Variants in OVCH2 observed in about 807,000 individuals in gnomAD.
OVCH2 encodes the protein ovochymase-2.
Under a neutral mutation model 73.7 loss-of-function variants are expected in OVCH2, and 88 were observed. The ratio of observed to expected loss-of-function variants is 1.19; its 90% CI spans 1.01 to 1.43. The LOEUF (loss-of-function observed/expected upper bound fraction) is 1.43, where lower values mean the gene tolerates loss of function less well. OVCH2 is among the 40% of genes most tolerant of loss of function. The pLI, the probability that OVCH2 is intolerant of heterozygous loss-of-function variation, is 0.00. For missense variants in OVCH2, 706 were observed against 674.5 expected (o/e 1.05, Z -0.52); for synonymous variants, 265 against 234.5 (o/e 1.13, Z -1.19).
chr11:7,695,707 T>C lies in OVCH2; in HGVS notation c.1145A>G (p.Lys382Arg). ...TGAAGGGAGGCTTTCTCCACAAAATTTTCCTGCAGGATGAGAAAAAAGGAT... is the reference window on the plus strand; with the variant it reads ...TGAAGGGAGGCTTTCTCCACAAAATCTTCCTGCAGGATGAGAAAAAAGGAT... ...MYSLEDRPIG[K>R]FCGESLPSSI... is the part of the protein sequence containing the mutation. Residue 382 changes from lysine (K) to arginine (R), a missense_variant, in exon 11 of 16, where the codon AAA becomes AGA. Coordinates refer to ENST00000533663, the MANE Select transcript of OVCH2 (RefSeq NM_198185.7). The C allele has an allele frequency of 6.3e-7, 1 of 1,588,940 alleles. No homozygotes were observed. Among genetic ancestry groups the C allele is most frequent in the East Asian group, 2.2e-5 (1 of 44,814 alleles).
In OVCH2 at chr11:7,695,752, A is replaced by C. The variant is rs1338415249; in HGVS notation, c.1142-42T>G. The C allele has an allele frequency of 1.9e-6, 3 of 1,567,744 alleles. No individual in the cohort carries two copies. In the Admixed American group the frequency reaches 5.7e-5, roughly 30 times the overall value. The stretch of plus-strand genomic sequence containing the variant: ...AAGGATTCTTTGTTCAGAATCTAGA[A>C]AATAGTTCCCATTCAATGATTTAAG... On this transcript the variant is annotated intron_variant, in intron 10 of 15. Transcript: ENST00000533663.
Position 7,702,101 on chromosome 11 carries a change from A to G in OVCH2, c.463+56T>C, listed in dbSNP as rs1856452186. On this transcript the variant is annotated intron_variant, in intron 4 of 15. Transcript: ENST00000533663. ...TATACTGCAGGAAATGTGCTATGGC[A>G]CAGAGGTTATAGAGAACATGGGGTA... The G allele has an allele frequency of 2.1e-6, 3 of 1,453,424 alleles. No homozygotes were observed. In the Admixed American group the frequency reaches 5.8e-5, roughly 28 times the overall value. 90.0% of individuals were successfully genotyped at this position (1,453,424 alleles called of 1,614,324 possible).
Position 7,704,553 on chromosome 11 carries a change from C to G in OVCH2, c.198+12G>C, listed in dbSNP as rs199535243. The stretch of plus-strand genomic sequence containing the variant: ...GCACAGTTCTTGATGCATAGAAGTC[C>G]TTGAGACTCACCTGCCAGGGATAGG... On this transcript the variant is annotated intron_variant, in intron 2 of 15. Transcript: ENST00000533663. 9 of 1,569,268 alleles carry G rather than the reference C, an allele frequency of 5.7e-6. No homozygotes were observed. The highest frequency in any genetic ancestry group is 7.0e-6 in the Non-Finnish European group (8 of 1,142,126).
rs1050941631 is a variant in OVCH2, at chr11:7,694,338, T to C, written c.1413+720A>G. On this transcript the variant is annotated intron_variant, in intron 12 of 15. Coordinates refer to ENST00000533663, the MANE Select transcript of OVCH2 (RefSeq NM_198185.7). ...TGGAATAAACTCCATTTCCAGGCGT[T>C]CAAAGGCCTCCATACAGTGACTTCC... is the stretch of plus-strand genomic sequence containing the variant. Among the ~76,000 whole-genome samples, 4 of 152,092 alleles carry C rather than the reference T, an allele frequency of 2.6e-5. No homozygotes were observed. In the South Asian group the frequency reaches 8.3e-4, roughly 32 times the overall value.
intron 12 of OVCH2, among the ~76,000 whole-genome samples, chr11:7,692,663 A>G (rs1290029215): frequency 2.0e-5 from 3 of 152,234 alleles, no homozygotes; most frequent in African/African-American, 7.2e-5. Context: ...ATGTGCATGA[A>G]AAAGGAAATC....
chr11:7,702,097 T>A, intron 4 of OVCH2, 60 bp downstream of exon 4: 1 of 1,429,564 alleles, frequency 7.0e-7, no homozygotes, highest in Non-Finnish European at 9.7e-7. Context: ...AAATGTGCTA[T>A]GGCACAGAGG....
Position 7,700,433 on chromosome 11 carries a change from A to G in OVCH2, c.764T>C (p.Leu255Pro). The G allele has an allele frequency of 6.2e-7, 1 of 1,612,066 alleles. No individual in the cohort carries two copies. The highest frequency in any genetic ancestry group is 8.5e-7 in the Non-Finnish European group (1 of 1,179,076). Residue 255 changes from leucine (L) to proline (P), a missense_variant, in exon 7 of 16, where the codon CTG (leucine) becomes CCG (proline). Physicochemically the swap from Leu to Pro is moderately conservative, Grantham distance 98. Transcript: ENST00000533663. ...MCRNKKGAWT[L>P]AGVTSWGLGC... ...CAAACCCCAGGAAGTCACACCAGCCAGAGTCCAGGCCCCTTTCTTATTCCG... is the reference window on the plus strand; with the variant it reads ...CAAACCCCAGGAAGTCACACCAGCCGGAGTCCAGGCCCCTTTCTTATTCCG...
chr11:7,694,754 G>A (rs1856292636), intron 12 of OVCH2, among the ~76,000 whole-genome samples: 1 of 151,032 alleles, frequency 6.6e-6, no homozygotes, highest in Non-Finnish European at 1.5e-5. Context: ...TGGGATTACA[G>A]GCGCCCGCCA....
Position 7,701,767 on chromosome 11 carries a change from A to G in OVCH2, c.508T>C (p.Phe170Leu), listed in dbSNP as rs1856443135. 41 of 1,612,580 alleles carry G rather than the reference A, an allele frequency of 2.5e-5. No individual in the cohort carries two copies. The highest frequency in any genetic ancestry group is 3.4e-5 in the Non-Finnish European group (40 of 1,179,460). Residue 170 changes from phenylalanine (F) to leucine (L), a missense_variant, in exon 5 of 16, where the codon TTT becomes CTT. By Grantham distance (22) the Phe-to-Leu change is conservative (BLOSUM62 0). Transcript: ENST00000533663. ...PICLPELREQ[F>L]EAGFICTTAG... ...GTTGTACAAATAAAACCAGCCTCAA[A>G]TTGCTCCCGCAGCTCTGGAAGACAT...
intron 12 of OVCH2, among the ~76,000 whole-genome samples, chr11:7,693,282 C>T (rs758560946): frequency 1.2e-4 from 19 of 152,140 alleles, no homozygotes; most frequent in African/African-American, 3.4e-4. Context: ...TAAAGGTAGG[C>T]GTGGGGAGGG....
chr11:7,696,955 T>A, intron 8 of OVCH2, 156 bp from the exon 9 acceptor site: 1 of 667,078 alleles, frequency 1.5e-6, no homozygotes, highest in Non-Finnish European at 2.5e-6. Flanking sequence ...CTATGATGCC[T>A]TTTTGGTTCC....
chr11:7,694,399 A>C (rs1006797431), intron 12 of OVCH2, among the ~76,000 whole-genome samples: 4 of 152,060 alleles, frequency 2.6e-5, no homozygotes, highest in African/African-American at 9.7e-5. Context: ...GGACACCTTA[A>C]GACCCTCTTA....
intron 8 of OVCH2, among the ~76,000 whole-genome samples, chr11:7,697,460 T>C (rs1483149506): frequency 6.6e-6 from 1 of 152,210 alleles, no homozygotes. Context: ...ATTCACACCC[T>C]CCATTTCAGA....
downstream of OVCH2, among the ~76,000 whole-genome samples, chr11:7,686,150 C>T (rs1856139719): frequency 6.6e-6 from 1 of 152,146 alleles, no homozygotes; most frequent in African/African-American, 2.4e-5. Flanking sequence ...AGCACTGTGC[C>T]GAACTCTGGT....
intron 3 of OVCH2, among the ~76,000 whole-genome samples, chr11:7,703,322 C>T (rs548343536): frequency 6.6e-6 from 1 of 152,248 alleles, no homozygotes; most frequent in South Asian, 2.1e-4. Flanking sequence ...ACTGGTCTCC[C>T]TTTGTTTTCT....
chr11:7,695,305 G>C (rs1291161345), intron 11 of OVCH2, 117 bp from the exon 12 acceptor site: 1 of 1,278,254 alleles, frequency 7.8e-7, no homozygotes, highest in Non-Finnish European at 1.1e-6. Flanking sequence ...CAGACACTGC[G>C]AACAAGAAAA....
chr11:7,697,550 TATAA>T (rs911781322), intron 8 of OVCH2, among the ~76,000 whole-genome samples: 2 of 152,234 alleles, frequency 1.3e-5, no homozygotes, highest in Non-Finnish European at 2.9e-5. Context: ...CTCAATATGC[TATAA>T]ATAGAATTCC....
At chr11:7,697,025 T>A (rs1856350231) in intron 8 of OVCH2, 2 of 418,610 alleles carry the variant, frequency 4.8e-6, no homozygotes, top group South Asian at 5.8e-5. Flanking sequence ...AACTCTTCTC[T>A]CTCTTTTTAT....
the OVCH2 span, among the ~76,000 whole-genome samples, chr11:7,680,034 C>T: frequency 6.9e-6 from 1 of 145,452 alleles, no homozygotes; most frequent in African/African-American, 2.6e-5. Flanking sequence ...TCGGAATATG[C>T]TTTATTAGAA....
Sources: allele counts gnomAD v4.1 joint callset (sites outside exome capture counted in the v4.1 genomes callset), GRCh38; gene constraint gnomAD v4.1.1; transcripts MANE v1.5; gene names NCBI Gene and HGNC (gene_info 2026-07-23, HGNC 2026-07-21).